The following ITGB5 variants were observed in gnomAD, a reference collection of about 807,000 sequenced individuals.
The protein encoded by ITGB5 is integrin beta-5.
Under a neutral mutation model 84.8 loss-of-function variants are expected in ITGB5, and 38 were observed. The observed-to-expected ratio is 0.45, with a 90% confidence interval of 0.35 to 0.59. The LOEUF (loss-of-function observed/expected upper bound fraction) is 0.59, where lower values mean the gene tolerates loss of function less well. Ranked by LOEUF, ITGB5 falls within the 20% of genes least tolerant of loss-of-function variation. ITGB5 has a pLI of 0.01. For synonymous variants in ITGB5, 393 were observed against 414.4 expected (o/e 0.95, Z 0.63); for missense variants, 905 against 1,034.5 (o/e 0.87, Z 1.72).
intron 10 of ITGB5, among the ~76,000 whole-genome samples, chr3:124,790,576 T>C (rs955352674): frequency 5.9e-5 from 9 of 152,046 alleles, no homozygotes; most frequent in Non-Finnish European, 1.0e-4. Flanking sequence ...GTTAACAGAA[T>C]TGCCTTTAAC....
intron 1 of ITGB5, among the ~76,000 whole-genome samples, chr3:124,893,265 G>A (rs1935037837): frequency 6.6e-6 from 1 of 152,020 alleles, no homozygotes; most frequent in Non-Finnish European, 1.5e-5. Flanking sequence ...AAAATTAGCT[G>A]GATGTGGTGG....
At chr3:124,894,128 A>ATT (rs1464038480) in intron 1 of ITGB5, among the ~76,000 whole-genome samples, 1 of 61,952 alleles carries the variant, frequency 1.6e-5, no homozygotes, top group Non-Finnish European at 3.5e-5. Context: ...AAGTTGTGAT[A>ATT]TTTTTCTTTT....
chr3:124,786,061 TGTAAATA>T (rs1201603838), intron 10 of ITGB5, among the ~76,000 whole-genome samples: 16 of 152,220 alleles, frequency 1.1e-4, no homozygotes, highest in African/African-American at 3.9e-4. Flanking sequence ...TTTTCCCCAA[TGTAAATA>T]GTCGAAGCAG....
chr3:124,817,727 A>T lies in ITGB5; in HGVS notation c.1039-17T>A. ...TGTAAAATTCTTGGGAAAAAAAGTA[A>T]AGAAAAGAAATAAGTTCATTTTGCC... On this transcript the variant is annotated splice_polypyrimidine_tract_variant and intron_variant, in intron 7 of 14. Coordinates refer to ENST00000296181, the MANE Select transcript of ITGB5 (RefSeq NM_002213.5). 1 of 1,465,724 alleles carries T rather than the reference A, an allele frequency of 6.8e-7. No individual in the cohort carries two copies. Among genetic ancestry groups the T allele is most frequent in the Non-Finnish European group, 9.5e-7 (1 of 1,051,790 alleles). 90.8% of individuals were successfully genotyped at this position (1,465,724 alleles called of 1,614,324 possible).
chr3:124,770,586 T>C (rs1459990215), intron 11 of ITGB5, among the ~76,000 whole-genome samples: 2 of 152,144 alleles, frequency 1.3e-5, no homozygotes, highest in African/African-American at 4.8e-5. Context: ...GGACGGGAGC[T>C]CTGAGACCAT....
intron 10 of ITGB5, among the ~76,000 whole-genome samples, chr3:124,775,255 TGAGG>T (rs1478810683): frequency 2.0e-5 from 3 of 152,068 alleles, no homozygotes; most frequent in African/African-American, 4.8e-5. Context: ...CAAGTGTGTG[TGAGG>T]AAGTATTTAA....
intron 2 of ITGB5, among the ~76,000 whole-genome samples, chr3:124,869,682 C>T (rs2065447120): frequency 6.6e-6 from 1 of 152,224 alleles, no homozygotes; most frequent in Non-Finnish European, 1.5e-5. Flanking sequence ...TGGGAAGCTG[C>T]ATTCCAGGGC....
chr3:124,813,938 G>C (rs560892288), intron 8 of ITGB5, among the ~76,000 whole-genome samples: 81 of 152,156 alleles, frequency 5.3e-4, no homozygotes, highest in African/African-American at 1.7e-3. Context: ...CCATCCTGAG[G>C]CTGTCCAGGA....
intron 9 of ITGB5, among the ~76,000 whole-genome samples, chr3:124,803,034 C>T (rs576199112): frequency 2.0e-5 from 3 of 152,296 alleles, no homozygotes; most frequent in Admixed American, 6.5e-5. Flanking sequence ...TCAAAGGTGC[C>T]GGCCTGAGCA....
intron 13 of ITGB5, among the ~76,000 whole-genome samples, chr3:124,764,879 G>A (rs1168491108): frequency 2.6e-5 from 4 of 152,212 alleles, no homozygotes; most frequent in East Asian, 1.9e-4. Context: ...CTCAGCTTTC[G>A]TGTACATGGT....
chr3:124,781,295 A>G (rs2064001961), intron 10 of ITGB5: 1 of 152,134 alleles, frequency 6.6e-6, no homozygotes, highest in African/African-American at 2.4e-5. Flanking sequence ...AATCCCTCCT[A>G]AGAAGCGCTA....
At chr3:124,788,091 G>A (rs534071026) in intron 10 of ITGB5, among the ~76,000 whole-genome samples, 1 of 151,960 alleles carries the variant, frequency 6.6e-6, no homozygotes, top group East Asian at 1.9e-4. Flanking sequence ...GTAGAGACGG[G>A]GCCTTGCTAT....
At chr3:124,886,889 T>C (rs6438861) in intron 1 of ITGB5, 42 bp downstream of exon 1, 939,156 of 1,174,622 alleles carry the variant, frequency 0.8, 376,719 homozygotes, top group African/African-American at 0.95. Flanking sequence ...CGGCTGAGTG[T>C]GCGACAAAGT....
At chr3:124,888,109 G>A (rs899476566), upstream of ITGB5, among the ~76,000 whole-genome samples, 1 of 151,746 alleles carries the variant, frequency 6.6e-6, no homozygotes, top group Non-Finnish European at 1.5e-5. Context: ...AGAGATGGGG[G>A]TCTCGCTGTG....
At chr3:124,830,226 C>T (rs1049822267) in intron 5 of ITGB5, among the ~76,000 whole-genome samples, 1 of 152,130 alleles carries the variant, frequency 6.6e-6, no homozygotes, top group African/African-American at 2.4e-5. Context: ...GAAGCTCACA[C>T]AGAGAACCAA....
chr3:124,777,301 C>T (rs1161974692), intron 10 of ITGB5, among the ~76,000 whole-genome samples: 4 of 152,186 alleles, frequency 2.6e-5, no homozygotes, highest in Admixed American at 2.6e-4. Flanking sequence ...GAGCCCAGCC[C>T]GTTTCTGGGG....
intron 3 of ITGB5, among the ~76,000 whole-genome samples, chr3:124,851,252 C>T (rs186801894): frequency 6.6e-6 from 1 of 152,296 alleles, no homozygotes; most frequent in East Asian, 1.9e-4. Flanking sequence ...CTTCAACTCA[C>T]TGCTCGGTTT....
At chr3:124,775,371 C>T (rs1355095982) in intron 10 of ITGB5, among the ~76,000 whole-genome samples, 3 of 151,184 alleles carry the variant, frequency 2.0e-5, no homozygotes, top group Non-Finnish European at 4.4e-5. Context: ...TGAGTGCGAG[C>T]ATCTGTGTGT....
chr3:124,832,872 C>T, intron 5 of ITGB5: 1 of 152,450 alleles, frequency 6.6e-6, no homozygotes, highest in Non-Finnish European at 1.5e-5. Flanking sequence ...GGAAAGGGGA[C>T]TGACCTGGGC....
Sources: gnomAD v4.1 joint callset for allele counts (sites outside exome capture counted in the v4.1 genomes callset) on GRCh38, gnomAD v4.1.1 for gene constraint, MANE v1.5 for transcripts, NCBI Gene and HGNC (gene_info 2026-07-23, HGNC 2026-07-21) for gene names.